Variants in PTPRK observed in about 807,000 individuals in gnomAD.
The protein encoded by PTPRK is receptor-type tyrosine-protein phosphatase kappa.
Under a neutral mutation model 178.0 loss-of-function variants are expected in PTPRK, and 75 were observed. The ratio of observed to expected loss-of-function variants is 0.42; its 90% CI spans 0.35 to 0.51. The LOEUF (loss-of-function observed/expected upper bound fraction) is 0.51. Among genes scored for constraint, PTPRK ranks in the 20% least tolerant of loss-of-function variants. PTPRK has a pLI of 0.02. For synonymous variants in PTPRK, 637 were observed against 620.6 expected, an observed-to-expected ratio of 1.03 and a Z score of -0.39; for missense variants, 1,441 against 1,797.8, an observed-to-expected ratio of 0.80 and a Z score of 3.59.
At chr6:128,099,834 A>C (rs757268248) in intron 7 of PTPRK, among the ~76,000 whole-genome samples, 45 of 152,036 alleles carry the variant, frequency 3.0e-4, no homozygotes, top group African/African-American at 4.8e-5. Context: ...CTTCACATAT[A>C]ATCAATAGTT....
intron 5 of PTPRK, among the ~76,000 whole-genome samples, chr6:128,234,073 A>T (rs1356178362): frequency 6.6e-6 from 1 of 152,252 alleles, no homozygotes; most frequent in Non-Finnish European, 1.5e-5. Context: ...ATACTAATGC[A>T]TAACTTTCAG....
chr6:128,371,525 C>T (rs1018368425), intron 2 of PTPRK, among the ~76,000 whole-genome samples: 11 of 152,144 alleles, frequency 7.2e-5, no homozygotes, highest in Admixed American at 5.9e-4. Context: ...CAATCTGCTG[C>T]TGTCATTCTC....
intron 3 of PTPRK, among the ~76,000 whole-genome samples, chr6:128,254,739 C>CAA (rs374863884): frequency 2.1e-5 from 3 of 145,182 alleles, no homozygotes; most frequent in Non-Finnish European, 4.6e-5. Context: ...AGAAGTTAGT[C>CAA]AAAAAAAAAA....
chr6:128,371,908 C>T (rs999318436), intron 2 of PTPRK, among the ~76,000 whole-genome samples: 2 of 151,646 alleles, frequency 1.3e-5, no homozygotes, highest in Non-Finnish European at 2.9e-5. Context: ...AGAGAGAAGC[C>T]ATTCCAGATT....
chr6:128,106,202 T>C (rs1789693381), intron 7 of PTPRK, among the ~76,000 whole-genome samples: 1 of 152,192 alleles, frequency 6.6e-6, no homozygotes, highest in African/African-American at 2.4e-5. Context: ...ACTTTATGAA[T>C]AAAATGTAGT....
At chr6:128,460,177 A>G (rs980212915) in intron 1 of PTPRK, among the ~76,000 whole-genome samples, 1 of 152,174 alleles carries the variant, frequency 6.6e-6, no homozygotes, top group African/African-American at 2.4e-5. Flanking sequence ...CCATGTCAAC[A>G]GTGGAGAGTA....
intron 3 of PTPRK, among the ~76,000 whole-genome samples, chr6:128,290,453 G>T (rs1823200324): frequency 6.6e-6 from 1 of 152,014 alleles, no homozygotes; most frequent in Non-Finnish European, 1.5e-5. Flanking sequence ...CTGATGACTT[G>T]TTAAAAATGC....
intron 1 of PTPRK, among the ~76,000 whole-genome samples, chr6:128,463,748 T>G (rs905081141): frequency 9.0e-5 from 12 of 132,912 alleles, no homozygotes; most frequent in Admixed American, 5.8e-4. Flanking sequence ...ACGGTTTTTT[T>G]TTTTTTTTTT....
At chr6:128,175,615 T>C (rs1287469691) in intron 7 of PTPRK, among the ~76,000 whole-genome samples, 1 of 151,788 alleles carries the variant, frequency 6.6e-6, no homozygotes, top group Non-Finnish European at 1.5e-5. Context: ...CTGTATATAC[T>C]TTGTACTTTA....
At chr6:128,129,686 A>G (rs558677455) in intron 7 of PTPRK, among the ~76,000 whole-genome samples, 12 of 152,328 alleles carry the variant, frequency 7.9e-5, no homozygotes, top group African/African-American at 2.9e-4. Flanking sequence ...ATGTATAAAC[A>G]TAATGGCATA....
intron 7 of PTPRK, among the ~76,000 whole-genome samples, chr6:128,170,609 C>A (rs1448782898): frequency 6.6e-6 from 1 of 151,986 alleles, no homozygotes; most frequent in Non-Finnish European, 1.5e-5. Context: ...GGAGCTAGCA[C>A]TGAGAATTCA....
intron 5 of PTPRK, 100 bp from the exon 6 acceptor site, chr6:128,219,196 C>A: frequency 9.0e-7 from 1 of 1,116,010 alleles, no homozygotes; most frequent in Non-Finnish European, 1.2e-6. Context: ...ATTCTTGTTG[C>A]AAAAGAGCCA....
chr6:128,385,012 A>G (rs1254424924), intron 2 of PTPRK, among the ~76,000 whole-genome samples: 1 of 150,198 alleles, frequency 6.7e-6, no homozygotes, highest in Non-Finnish European at 1.5e-5. Flanking sequence ...ATTTCTTGGA[A>G]GAGCTGAGTT....
chr6:128,391,120 T>C (rs200730476), intron 2 of PTPRK, among the ~76,000 whole-genome samples: 1 of 12,258 alleles, frequency 8.2e-5, no homozygotes, highest in African/African-American at 1.1e-4. Flanking sequence ...GAAAATATTA[T>C]TTTTTTAAAA....
At chr6:128,485,773 G>C (rs1395381390) in intron 1 of PTPRK, among the ~76,000 whole-genome samples, 1 of 152,134 alleles carries the variant, frequency 6.6e-6, no homozygotes, top group African/African-American at 2.4e-5. Flanking sequence ...AAACAGAATG[G>C]AGCTTCTGCT....
chr6:128,300,468 A>G (rs1449114846), intron 3 of PTPRK, among the ~76,000 whole-genome samples: 7 of 152,056 alleles, frequency 4.6e-5, no homozygotes, highest in Admixed American at 4.6e-4. Context: ...ACTTGGATCC[A>G]ACCCAAATGT....
chr6:128,246,281 A>T (rs1048261534), intron 3 of PTPRK, among the ~76,000 whole-genome samples: 1 of 152,226 alleles, frequency 6.6e-6, no homozygotes, highest in East Asian at 1.9e-4. Flanking sequence ...GGTCTATCTT[A>T]GCTTCACTTT....
rs565611004 is a variant in PTPRK, at chr6:128,267,875, A to C, written c.496-25273T>G. 1.7e-3 allele frequency among the ~76,000 whole-genome samples: 252 copies of C among 152,218 alleles called. 1 individual carries two copies. Among genetic ancestry groups the C allele is most frequent in the Non-Finnish European group, 3.2e-3 (220 of 67,988 alleles). ...AGGAGATCTGATAAGTTTTATTGGG[A>C]AAGGCGTGAGCAAAAGACTTCAAGA... On this transcript the variant is annotated intron_variant, in intron 3 of 29. Coordinates refer to ENST00000368226, the MANE Select transcript of PTPRK (RefSeq NM_002844.4).
rs1182729422 is a variant in PTPRK, at chr6:128,009,266, C to T, written c.2197G>A (p.Ala733Thr). 3 of 1,596,718 alleles carry T rather than the reference C, an allele frequency of 1.9e-6. No individual in the cohort carries two copies. The South Asian group carries it at 3.4e-5, about 18-fold the overall frequency. The change falls in exon 14 of 30, where the codon GCA (alanine) becomes ACA (threonine). Residue 733 changes from alanine to threonine, a missense_variant and splice_region_variant. Physicochemically the swap from Ala to Thr is moderately conservative, Grantham distance 58. Transcript: ENST00000368226. ...TQCVRIATKA[A>T]ATEEPEVIPD... ...ATCACTTCTGGTTCTTCTGTTGCTG[C>T]TGCTAAATGGATAAAAAAAAAAATC... is the stretch of plus-strand genomic sequence containing the variant.
Sources: allele counts gnomAD v4.1 joint callset (sites outside exome capture counted in the v4.1 genomes callset), GRCh38; gene constraint gnomAD v4.1.1; transcripts MANE v1.5; gene names NCBI Gene and HGNC (gene_info 2026-07-23, HGNC 2026-07-21).